EHMT2: variants seen among roughly 807,000 people sequenced by gnomAD.
The protein encoded by EHMT2 is histone-lysine N-methyltransferase EHMT2.
A neutral mutation model predicts 143.3 loss-of-function variants in EHMT2; 59 were observed. The ratio of observed to expected loss-of-function variants is 0.41; its 90% CI spans 0.33 to 0.51. EHMT2 has a LOEUF of 0.51. EHMT2 is among the 20% of genes least tolerant of loss of function. The pLI is 0.18. For missense variants in EHMT2, 1,174 were observed against 1,645.9 expected, an observed-to-expected ratio of 0.71 and a Z score of 4.96; for synonymous variants, 604 against 651.5, an observed-to-expected ratio of 0.93 and a Z score of 1.11.
intron 4 of EHMT2, chr6:31,893,495 A>AT (rs1411113735): frequency 0.024 from 7,097 of 293,310 alleles, 7 homozygotes; most frequent in South Asian, 0.035. Flanking sequence ...TGTCTTCTTA[A>AT]TTTTTTTTTT....
Position 31,883,182 on chromosome 6 carries a change from G to C in EHMT2, c.2995-173C>G. ...ATCATCCCTGGTTTGCATAGACCTG[G>C]GCACACGCCCATCGCTGTCCCAGCC... is the stretch of plus-strand genomic sequence containing the variant. On this transcript the variant is annotated intron_variant, in intron 23 of 27. Coordinates refer to ENST00000375537, the Ensembl canonical transcript of EHMT2. The surrounding 1 kb of genome is among the most constrained non-coding windows in gnomAD (Gnocchi z 5.6). The C allele has an allele frequency of 1.2e-6, 1 of 857,154 alleles. No homozygotes were observed. Among genetic ancestry groups the C allele is most frequent in the Non-Finnish European group, 1.9e-6 (1 of 536,278 alleles). 53.1% of individuals were successfully genotyped at this position (857,154 alleles called of 1,614,324 possible). A position where few individuals can be genotyped will look rare whatever the true frequency, so the allele number is the denominator to read the frequency against.
chr6:31,892,453 T>C (rs1214836755), exon 7 of EHMT2: 2 of 1,612,976 alleles, frequency 1.2e-6, no homozygotes, highest in Non-Finnish European at 1.7e-6. Context: ...GGAATCATAG[T>C]AGAGACTGAA....
rs1056003284 is a variant in EHMT2, at chr6:31,888,342, T to C, written c.1509+21A>G. 3 of 1,611,918 alleles carry C rather than the reference T, an allele frequency of 1.9e-6. No homozygotes were observed. In the African/African-American group the frequency reaches 4.0e-5, roughly 22 times the overall value. On this transcript the variant is annotated intron_variant, in intron 12 of 27. Transcript: ENST00000375537. This position sits in a 1 kb window ranked among gnomAD's most constrained non-coding sequence, Gnocchi z 7.4. ...CCTCTGCCACAGGGCATGCTACCTG[T>C]CTGCCCCACTGGTCACTCACCGCCG...
rs1490588595 is a variant in EHMT2 at position 31,892,737 on chromosome 6, G to C, written c.668-3C>G. The stretch of plus-strand genomic sequence containing the variant: ...CAGCTTCCTCCTTTTGGCCAGATCT[G>C]GAAGAAGAGAGAGAATGGTGTGGGG... On this transcript the variant is annotated splice_region_variant and splice_polypyrimidine_tract_variant and intron_variant, in intron 5 of 27. Transcript: ENST00000375537. 2 of 1,612,998 alleles carry C rather than the reference G, an allele frequency of 1.2e-6. No individual in the cohort carries two copies. Among genetic ancestry groups the C allele is most frequent in the Non-Finnish European group, 1.7e-6 (2 of 1,180,026 alleles).
Position 31,881,080 on chromosome 6 carries a change from C to T in EHMT2, c.3210G>A (p.Glu1070=), listed in dbSNP as rs1335871416. Residue 1070 remains glutamate, a synonymous_variant, in exon 26 of 28, where the codon GAG becomes GAA. Coordinates refer to ENST00000375537, the Ensembl canonical transcript of EHMT2. The surrounding 1 kb of genome is among the most constrained non-coding windows in gnomAD (Gnocchi z 4.8). ...CATCAGCCTCAGCATCAGAGATCAGCTCCCCGACATACCTGTGGGACAGGA... is the reference window on the plus strand; with the variant it reads ...CATCAGCCTCAGCATCAGAGATCAGTTCCCCGACATACCTGTGGGACAGGA... The T allele has an allele frequency of 8.1e-6, 13 of 1,612,836 alleles. No individual in the cohort carries two copies. The highest frequency in any genetic ancestry group is 2.7e-5 in the African/African-American group (2 of 74,926).
rs991960107 is a variant in EHMT2 at position 31,889,163 on chromosome 6, G to A, written c.1114+65C>T. ...TGGACATGCGAGAGCGTGTGTGTGC[G>A]TGCACACACTCTGGGGGGCCGGGCG... On this transcript the variant is annotated intron_variant, in intron 9 of 27. Coordinates refer to ENST00000375537, the Ensembl canonical transcript of EHMT2. The surrounding 1 kb of genome is among the most constrained non-coding windows in gnomAD (Gnocchi z 5.1). 2.1e-5 allele frequency: 32 copies of A among 1,521,810 alleles called. No individual in the cohort carries two copies. The Middle Eastern group carries it at 5.5e-4, about 26-fold the overall frequency. The allele number at this position is 1,521,810 out of a possible 1,614,324, so 94.3% of individuals were successfully genotyped here. A position where few individuals can be genotyped will look rare whatever the true frequency, so the allele number is the denominator to read the frequency against.
At position 31,888,988 on chromosome 6, in the gene EHMT2, G is replaced by A. The variant is rs1227647540; in HGVS notation, c.1197C>T (p.Thr399=). ...AATTACCAGCGTGGTTGGGGGAGAGGGTCCCCTCGCTGGGCAGCTCCAGGG... is the reference window on the plus strand; with the variant it reads ...AATTACCAGCGTGGTTGGGGGAGAGAGTCCCCTCGCTGGGCAGCTCCAGGG... The change falls in exon 10 of 28, where the codon ACC becomes ACT. Residue 399 remains threonine (T), a synonymous_variant. Coordinates refer to ENST00000375537, the Ensembl canonical transcript of EHMT2. The surrounding 1 kb of genome is among the most constrained non-coding windows in gnomAD (Gnocchi z 7.4). 3 of 1,600,070 alleles carry A rather than the reference G, an allele frequency of 1.9e-6. No homozygotes were observed. Among genetic ancestry groups the A allele is most frequent in the Non-Finnish European group, 1.7e-6 (2 of 1,175,418 alleles).
Position 31,883,140 on chromosome 6 carries a change from G to A in EHMT2, c.2995-131C>T, listed in dbSNP as rs1039907943. 1.1e-6 allele frequency: 1 copy of A among 888,476 alleles called. No individual in the cohort carries two copies. The highest frequency in any genetic ancestry group is 1.7e-5 in the African/African-American group (1 of 60,156). 55.0% of individuals were successfully genotyped at this position (888,476 alleles called of 1,614,324 possible). ...GTCACACAGGCTCTGAGATCCGAGA[G>A]CACGAAATGCAGGAGCATCATCCCT... On this transcript the variant is annotated intron_variant, in intron 23 of 27. Transcript: ENST00000375537. This position sits in a 1 kb window ranked among gnomAD's most constrained non-coding sequence, Gnocchi z 5.6.
At chr6:31,882,642 C>T in intron 25 of EHMT2, 57 bp downstream of exon 25, 1 of 1,521,622 alleles carries the variant, frequency 6.6e-7, no homozygotes, top group Non-Finnish European at 9.0e-7. Flanking sequence ...GCCTGGCAGT[C>T]AGCAGTGGCC....
chr6:31,897,396 G>A (rs1766696746), intron 1 of EHMT2, among the ~76,000 whole-genome samples: 1 of 150,464 alleles, frequency 6.6e-6, no homozygotes, highest in South Asian at 2.1e-4. Flanking sequence ...TGCTCCTGGG[G>A]CCCCGGCGCC....
rs541833233 is a variant in EHMT2 at position 31,887,763 on chromosome 6, G to C, written c.1928+16C>G. ...CCTCAGCCCCAGTTGCTGTGCCTGA[G>C]CAACTCCCCACTCACCTCTCTGACT... On this transcript the variant is annotated intron_variant, in intron 14 of 27. Transcript: ENST00000375537. The C allele has an allele frequency of 6.3e-7, 1 of 1,599,684 alleles. No individual in the cohort carries two copies. Among genetic ancestry groups the C allele is most frequent in the Non-Finnish European group, 8.5e-7 (1 of 1,175,652 alleles).
intron 4 of EHMT2, chr6:31,893,122 G>A: frequency 3.6e-6 from 2 of 557,880 alleles, no homozygotes; most frequent in Non-Finnish European, 6.3e-6. Flanking sequence ...CAACCATGCA[G>A]AGCAGGCCCT....
rs1464115215 is a variant in EHMT2, at chr6:31,888,308, C to T, written c.1510-32G>A. On this transcript the variant is annotated intron_variant, in intron 12 of 27. Coordinates refer to ENST00000375537, the Ensembl canonical transcript of EHMT2. This position sits in a 1 kb window ranked among gnomAD's most constrained non-coding sequence, Gnocchi z 7.4. ...GCAGGGAAACGACATGGTCAGGTTA[C>T]TGGGGCCCCCTCTGCCACAGGGCAT... The T allele has an allele frequency of 4.3e-6, 7 of 1,611,878 alleles. No individual in the cohort carries two copies. The highest frequency in any genetic ancestry group is 5.9e-6 in the Non-Finnish European group (7 of 1,179,338).
Position 31,889,044 on chromosome 6 carries a change from G to A in EHMT2, c.1141C>T (p.Pro381Ser). 6.2e-7 allele frequency: 1 copy of A among 1,604,434 alleles called. No homozygotes were observed. The highest frequency in any genetic ancestry group is 8.5e-7 in the Non-Finnish European group (1 of 1,176,788). ...AGAGGGACCTCCATGTACTCACTGG[G>A]GCCTGAGGAGCCCACACCATTCACT... Residue 381 changes from proline (P) to serine (S), a missense_variant, in exon 10 of 28, where the codon CCC becomes TCC. This residue lies in a region of EHMT2 where 608 missense variants were observed against 903.7 expected (regional missense o/e 0.67). Coordinates refer to ENST00000375537, the Ensembl canonical transcript of EHMT2. The surrounding 1 kb of genome is among the most constrained non-coding windows in gnomAD (Gnocchi z 5.1).
chr6:31,879,808 T>C (rs1763864081), exon 28 of EHMT2: 4 of 508,230 alleles, frequency 7.9e-6, no homozygotes, highest in Middle Eastern at 5.1e-4. Context: ...CCAGTTGGCA[T>C]AGAGGCCCGA....
chr6:31,896,515 G>T lies in EHMT2; in HGVS notation c.330C>A (p.Gly110=), dbSNP rs745665216. 55 of 1,612,372 alleles carry T rather than the reference G, an allele frequency of 3.4e-5. No homozygotes were observed. In the Middle Eastern group the frequency reaches 6.6e-4, roughly 19 times the overall value. ...AAGAGGGGAATGACTTTGTGGCATG[G>T]CCTAGAAAACAGGCAAGCAAAAGGC... The change falls in exon 4 of 28, where the codon GGC becomes GGA. Residue 110 remains glycine, a splice_region_variant and synonymous_variant. Coordinates refer to ENST00000375537, the Ensembl canonical transcript of EHMT2.
Position 31,883,541 on chromosome 6 carries a change from C to CCA in EHMT2, c.2917-104_2917-103dup. The stretch of plus-strand genomic sequence containing the variant: ...CTAACCACTGTCCTTTCTTTGGGGT[C>CCA]CATGTGTTACAACAGTGGGTGGTGA... On this transcript the variant is annotated intron_variant, in intron 22 of 27. Transcript: ENST00000375537. This position sits in a 1 kb window ranked among gnomAD's most constrained non-coding sequence, Gnocchi z 5.6. 1 of 1,250,940 alleles carries CCA rather than the reference C, an allele frequency of 8.0e-7. No individual in the cohort carries two copies. The highest frequency in any genetic ancestry group is 1.1e-6 in the Non-Finnish European group (1 of 875,070). 77.5% of individuals were successfully genotyped at this position (1,250,940 alleles called of 1,614,324 possible). A position where few individuals can be genotyped will look rare whatever the true frequency, so the allele number is the denominator to read the frequency against.
At chr6:31,896,935 C>T (rs773218155) in exon 2 of EHMT2, 1 of 1,596,896 alleles carries the variant, frequency 6.3e-7, no homozygotes, top group Non-Finnish European at 8.5e-7. Context: ...CTCTCGGTGG[C>T]TCCTCTGGTT....
chr6:31,896,539 G>C (rs766124599), intron 3 of EHMT2, 23 bp from the exon 4 acceptor site: 7 of 1,610,582 alleles, frequency 4.3e-6, no homozygotes, highest in Admixed American at 1.7e-5. Flanking sequence ...CAAGCAAAAG[G>C]CAAGATAAGA....
Sources: allele counts gnomAD v4.1 joint callset (sites outside exome capture counted in the v4.1 genomes callset), GRCh38; gene constraint gnomAD v4.1.1; regional missense constraint gnomAD v4.1.1; non-coding constraint Gnocchi (gnomAD v3.1); transcripts MANE v1.5; gene names NCBI Gene and HGNC (gene_info 2026-07-23, HGNC 2026-07-21).